CNTNAP2: variants seen among roughly 807,000 people sequenced by gnomAD.
The protein encoded by CNTNAP2 is contactin associated protein 2, also known as contactin-associated protein-like 2.
Under a neutral mutation model 155.2 loss-of-function variants are expected in CNTNAP2, and 98 were observed. The observed-to-expected ratio is 0.63, with a 90% CI of 0.54 to 0.75. The LOEUF is 0.75. Ranked by LOEUF, CNTNAP2 falls within the 30% of genes least tolerant of loss-of-function variation. The pLI, the probability that CNTNAP2 is intolerant of heterozygous loss-of-function variation, is 0.00. For missense variants in CNTNAP2, 1,727 were observed against 1,688.1 expected (o/e 1.02, Z -0.40); for synonymous variants, 651 against 631.2 (o/e 1.03, Z -0.47).
intron 1 of CNTNAP2, among the ~76,000 whole-genome samples, chr7:146,420,696 T>C (rs1795999312): frequency 6.6e-6 from 1 of 152,080 alleles, no homozygotes; most frequent in Non-Finnish European, 1.5e-5. Flanking sequence ...AGAGAGATGC[T>C]AAAGCTGTCT....
At chr7:148,211,656 G>A (rs949577029) in intron 18 of CNTNAP2, among the ~76,000 whole-genome samples, 5 of 152,282 alleles carry the variant, frequency 3.3e-5, no homozygotes, top group African/African-American at 7.2e-5. Context: ...GGGTCACTTC[G>A]TTGAAATCCC....
At chr7:148,005,331 C>G (rs1016069209) in intron 15 of CNTNAP2, among the ~76,000 whole-genome samples, 2 of 152,120 alleles carry the variant, frequency 1.3e-5, no homozygotes, top group African/African-American at 2.4e-5. Context: ...TCCCCAAAGG[C>G]CCCCCTTCTC....
At chr7:147,221,482 C>A (rs948399261) in intron 8 of CNTNAP2, among the ~76,000 whole-genome samples, 10 of 152,212 alleles carry the variant, frequency 6.6e-5, no homozygotes, top group Non-Finnish European at 1.3e-4. Flanking sequence ...CAAGGAATAT[C>A]AGGTCCATGC....
intron 1 of CNTNAP2, among the ~76,000 whole-genome samples, chr7:146,143,135 T>C (rs1797904256): frequency 6.6e-6 from 1 of 152,220 alleles, no homozygotes; most frequent in South Asian, 2.1e-4. Flanking sequence ...TGTGGCTCTA[T>C]GTTGTGGCCC....
At chr7:147,817,472 A>G (rs1563099693) in intron 13 of CNTNAP2, among the ~76,000 whole-genome samples, 2 of 152,210 alleles carry the variant, frequency 1.3e-5, no homozygotes, top group Non-Finnish European at 2.9e-5. Flanking sequence ...AAAAATTTTT[A>G]GCAAAGACAA....
At chr7:146,951,216 T>G (rs572631205) in intron 3 of CNTNAP2, among the ~76,000 whole-genome samples, 4 of 152,346 alleles carry the variant, frequency 2.6e-5, no homozygotes, top group African/African-American at 9.6e-5. Flanking sequence ...ATGGATAGAT[T>G]GCAGAATTTT....
chr7:147,409,942 T>C (rs1797075614), intron 10 of CNTNAP2, among the ~76,000 whole-genome samples: 1 of 152,234 alleles, frequency 6.6e-6, no homozygotes, highest in South Asian at 2.1e-4. Flanking sequence ...GGAATGCTTA[T>C]ACACTACCGG....
At chr7:146,500,957 T>C (rs934706367) in intron 1 of CNTNAP2, among the ~76,000 whole-genome samples, 9 of 152,144 alleles carry the variant, frequency 5.9e-5, no homozygotes, top group Admixed American at 1.3e-4. Context: ...CAAAATTTTT[T>C]TCAATCTATT....
chr7:148,299,724 T>G (rs1292938163), intron 21 of CNTNAP2, among the ~76,000 whole-genome samples: 2 of 152,214 alleles, frequency 1.3e-5, no homozygotes, highest in Non-Finnish European at 2.9e-5. Flanking sequence ...AAGGTACAAT[T>G]TGAAAAGTGT....
At chr7:147,835,049 TA>T (rs1295552622) in intron 13 of CNTNAP2, among the ~76,000 whole-genome samples, 5 of 151,838 alleles carry the variant, frequency 3.3e-5, no homozygotes, top group South Asian at 4.2e-4. Flanking sequence ...CCAATAAGGA[TA>T]AAAAAAAGAA....
chr7:147,825,394 C>T lies in CNTNAP2; in HGVS notation c.2099-78171C>T, dbSNP rs146815186. On this transcript the variant is annotated intron_variant, in intron 13 of 23. Transcript: ENST00000361727. ...GATGTGTTTTATATTACAATTGCAT[C>T]TAATACCTTATTTTACAACTTCAAT... is the stretch of plus-strand genomic sequence containing the variant. Among the ~76,000 whole-genome samples the T allele has an allele frequency of 3.8e-4, 58 of 152,214 alleles. No individual in the cohort carries two copies. The East Asian group carries it at 0.011, about 29-fold the overall frequency.
intron 15 of CNTNAP2, among the ~76,000 whole-genome samples, chr7:148,051,269 C>T (rs1435176633): frequency 6.6e-6 from 1 of 152,118 alleles, no homozygotes; most frequent in East Asian, 1.9e-4. Context: ...GGCCTATGTT[C>T]TTTTCTCAAT....
At chr7:147,772,454 A>C (rs1399085410) in intron 13 of CNTNAP2, among the ~76,000 whole-genome samples, 8 of 67,234 alleles carry the variant, frequency 1.2e-4, no homozygotes, top group African/African-American at 5.3e-4. Flanking sequence ...CGCTATATAT[A>C]TATATATATA....
intron 2 of CNTNAP2, among the ~76,000 whole-genome samples, chr7:146,794,848 A>G (rs1237986901): frequency 6.6e-6 from 1 of 152,222 alleles, no homozygotes; most frequent in Non-Finnish European, 1.5e-5. Context: ...AAGCAAAAAT[A>G]GGATTTGATC....
chr7:146,975,704 C>T (rs925745805), intron 3 of CNTNAP2, among the ~76,000 whole-genome samples: 9 of 152,176 alleles, frequency 5.9e-5, no homozygotes, highest in Non-Finnish European at 2.9e-5. Context: ...GCTCCTCCAT[C>T]TCCCATTCTC....
intron 10 of CNTNAP2, among the ~76,000 whole-genome samples, chr7:147,417,361 A>G (rs1033860116): frequency 2.0e-5 from 3 of 152,168 alleles, no homozygotes; most frequent in African/African-American, 7.2e-5. Context: ...CAGGTCATGG[A>G]TGGCCATCTT....
chr7:148,084,952 T>C (rs1056991496), intron 15 of CNTNAP2, among the ~76,000 whole-genome samples: 1 of 152,238 alleles, frequency 6.6e-6, no homozygotes, highest in South Asian at 2.1e-4. Context: ...TAATAAGTTT[T>C]ACAGCATTAT....
intron 15 of CNTNAP2, among the ~76,000 whole-genome samples, chr7:147,979,049 C>T (rs906682480): frequency 2.0e-5 from 3 of 152,162 alleles, no homozygotes; most frequent in Non-Finnish European, 2.9e-5. Context: ...TAAATTATAG[C>T]GTCCACTCAA....
intron 10 of CNTNAP2, among the ~76,000 whole-genome samples, chr7:147,419,494 TCTAG>T (rs1329087873): frequency 5.3e-5 from 8 of 152,196 alleles, no homozygotes; most frequent in Non-Finnish European, 1.0e-4. Context: ...CATCATACTG[TCTAG>T]CAAGATGCCT....
Sources: allele counts gnomAD v4.1 joint callset (sites outside exome capture counted in the v4.1 genomes callset), GRCh38; gene constraint gnomAD v4.1.1; transcripts MANE v1.5; gene names NCBI Gene and HGNC (gene_info 2026-07-23, HGNC 2026-07-21).